The following CR1 variants were observed in gnomAD, a reference collection of about 807,000 sequenced individuals.
CR1 encodes the protein complement C3b/C4b receptor 1 (Knops blood group).
A neutral mutation model predicts 187.3 loss-of-function variants in CR1; 116 were observed. The ratio of observed to expected loss-of-function variants is 0.62; its 90% confidence interval spans 0.53 to 0.72. The LOEUF (loss-of-function observed/expected upper bound fraction) is 0.72. Ranked by LOEUF, CR1 falls within the 30% of genes least tolerant of loss-of-function variation. The probability of loss-of-function intolerance (pLI) is 0.00; values close to 1 mark genes in which losing one functional copy is unlikely to be tolerated. For missense variants in CR1, 1,731 were observed against 2,110.7 expected (o/e 0.82, Z 3.52); for synonymous variants, 576 against 747.1 (o/e 0.77, Z 3.73).
At position 207,522,749 on chromosome 1, in the gene CR1, A is replaced by T. The variant is rs1253057074; in HGVS notation, c.488-862A>T. Among the ~76,000 whole-genome samples the T allele has an allele frequency of 7.9e-5, 12 of 152,074 alleles. No homozygotes were observed. In the East Asian group the frequency reaches 2.3e-3, roughly 29 times the overall value. ...TATTAGTAGAAGCAGAGCCTGAAAA[A>T]TTTTTATTTTTAATTTTAATTCATT... On this transcript the variant is annotated intron_variant, in intron 4 of 46. Coordinates refer to ENST00000367049, the MANE Select transcript of CR1 (RefSeq NM_000651.6).
chr1:207,614,461 T>G lies in CR1; in HGVS notation c.6633T>G (p.Leu2211=). Residue 2211 remains leucine, a synonymous_variant, in exon 40 of 47, where the codon CTT becomes CTG. Coordinates refer to ENST00000367049, the MANE Select transcript of CR1 (RefSeq NM_000651.6). ...GTGTCTTGGCTGGAATGAAAGCCCT[T>G]TGGAATAGCAGTGTTCCAGTGTGTG... The part of the protein sequence containing the change: ...SHCVLAGMKA[L]WNSSVPVCEQ... The G allele has an allele frequency of 6.2e-7, 1 of 1,611,652 alleles. No homozygotes were observed. Among genetic ancestry groups the G allele is most frequent in the Non-Finnish European group, 8.5e-7 (1 of 1,178,370 alleles).
intron 1 of CR1, among the ~76,000 whole-genome samples, chr1:207,502,550 G>A (rs1659303878): frequency 6.6e-6 from 1 of 152,190 alleles, no homozygotes; most frequent in Non-Finnish European, 1.5e-5. Context: ...AAAAATGTGT[G>A]TCTTTGGGAA....
intron 35 of CR1, among the ~76,000 whole-genome samples, chr1:207,606,303 C>T (rs1253326437): frequency 2.0e-5 from 3 of 152,186 alleles, no homozygotes; most frequent in Admixed American, 6.5e-5. Flanking sequence ...CATGGCTATG[C>T]CCGGCTGTAA....
chr1:207,626,332 C>G (rs1434701432), intron 45 of CR1, among the ~76,000 whole-genome samples: 1 of 152,194 alleles, frequency 6.6e-6, no homozygotes, highest in Non-Finnish European at 1.5e-5. Flanking sequence ...GCAGAGGTCC[C>G]TTCTTTCGGA....
chr1:207,613,892 G>A (rs1662017024), intron 39 of CR1, among the ~76,000 whole-genome samples: 1 of 152,080 alleles, frequency 6.6e-6, no homozygotes, highest in South Asian at 2.1e-4. Flanking sequence ...ATGCTTCTGT[G>A]AGCCTCCTCT....
At chr1:207,624,639 A>G (rs529529904) in intron 45 of CR1, among the ~76,000 whole-genome samples, 2 of 152,298 alleles carry the variant, frequency 1.3e-5, no homozygotes, top group East Asian at 3.9e-4. Context: ...ATTTAAATTT[A>G]AATATCCATC....
In CR1 at chr1:207,609,677, A is replaced by G. The variant is rs1435892908; in HGVS notation, c.6284A>G (p.His2095Arg). 1 of 1,585,602 alleles carries G rather than the reference A, an allele frequency of 6.3e-7. No homozygotes were observed. Among genetic ancestry groups the G allele is most frequent in the East Asian group, 2.2e-5 (1 of 44,746 alleles). The change falls in exon 37 of 47, where the codon CAC (histidine) becomes CGC (arginine). Residue 2095 changes from histidine (H) to arginine (R), a missense_variant. Transcript: ENST00000367049. The part of the protein sequence containing the change: ...TNGRWGPKLP[H>R]CSRVCQPPPE... ...GGCAGATGGGGGCCCAAGCTGCCAC[A>G]CTGCTCCAGGGGTGAGTGTGACCCA...
At chr1:207,631,458 A>G (rs531318787) in intron 46 of CR1, among the ~76,000 whole-genome samples, 1 of 152,272 alleles carries the variant, frequency 6.6e-6, no homozygotes, top group Non-Finnish European at 1.5e-5. Flanking sequence ...AGCCAAAAGT[A>G]TTTACTATCT....
In CR1 at chr1:207,591,809, A is replaced by G. The variant is rs570399783; in HGVS notation, c.5810+3035A>G. ...ATACAAACTACCATCAGAGAATACT[A>G]TAAACACCTCTACGCAAATAAACTA... On this transcript the variant is annotated intron_variant, in intron 35 of 46. Coordinates refer to ENST00000367049, the MANE Select transcript of CR1 (RefSeq NM_000651.6). Among the ~76,000 whole-genome samples, 23 of 152,380 alleles carry G rather than the reference A, an allele frequency of 1.5e-4. No homozygotes were observed. In the South Asian group the frequency reaches 3.9e-3, roughly 26 times the overall value.
intron 35 of CR1, among the ~76,000 whole-genome samples, chr1:207,589,714 C>A (rs1661214922): frequency 6.6e-6 from 1 of 152,112 alleles, no homozygotes; most frequent in African/African-American, 2.4e-5. Flanking sequence ...AGCGAAGAAC[C>A]TTGAAAAACA....
At chr1:207,502,294 G>A (rs1213048973) in intron 1 of CR1, among the ~76,000 whole-genome samples, 1 of 152,136 alleles carries the variant, frequency 6.6e-6, no homozygotes, top group Middle Eastern at 3.2e-3. Context: ...TGATATGAAA[G>A]GAAAAGCAAA....
chr1:207,579,274 G>C (rs1212813821), intron 29 of CR1, among the ~76,000 whole-genome samples: 1 of 152,160 alleles, frequency 6.6e-6, no homozygotes. Flanking sequence ...CTGTGTAGGA[G>C]GTGTTATGGT....
intron 46 of CR1, among the ~76,000 whole-genome samples, chr1:207,634,747 C>T (rs1353685526): frequency 1.6e-4 from 24 of 152,184 alleles, no homozygotes; most frequent in Admixed American, 3.3e-4. Context: ...TCCACTACTG[C>T]AGCTCATTCT....
intron 35 of CR1, among the ~76,000 whole-genome samples, chr1:207,593,853 A>G (rs1238232026): frequency 1.3e-5 from 2 of 152,238 alleles, no homozygotes; most frequent in African/African-American, 2.4e-5. Flanking sequence ...CATGAAAAAA[A>G]GCTCATCATC....
chr1:207,584,484 T>C (rs1322526968), intron 32 of CR1, among the ~76,000 whole-genome samples, 165 bp from the exon 33 acceptor site: 4 of 152,216 alleles, frequency 2.6e-5, no homozygotes, highest in African/African-American at 9.7e-5. Context: ...TTCATTTAGC[T>C]CCATCTTAGC....
At chr1:207,626,897 G>C (rs1339538648) in intron 45 of CR1, among the ~76,000 whole-genome samples, 1 of 152,162 alleles carries the variant, frequency 6.6e-6, no homozygotes, top group African/African-American at 2.4e-5. Context: ...AATTAGCCTG[G>C]TGTAGTGGCA....
At chr1:207,582,036 CTTT>C in intron 32 of CR1, 33 bp downstream of exon 32, 1 of 1,516,898 alleles carries the variant, frequency 6.6e-7, no homozygotes, top group Non-Finnish European at 9.1e-7. Flanking sequence ...CAGTCTGGAT[CTTT>C]CTGTTTTTTT....
chr1:207,614,416 A>C lies in CR1; in HGVS notation c.6588A>C (p.Lys2196Asn). 3 of 1,610,358 alleles carry C rather than the reference A, an allele frequency of 1.9e-6. No homozygotes were observed. The highest frequency in any genetic ancestry group is 2.5e-6 in the Non-Finnish European group (3 of 1,177,518). Residue 2196 changes from lysine (K) to asparagine (N), a missense_variant, in exon 40 of 47, where the codon AAA (lysine) becomes AAC (asparagine). Transcript: ENST00000367049. ...SFVCDEGFRL[K>N]GRSASHCVLA... is the part of the protein sequence containing the mutation. Reference sequence around the variant, plus strand: ...TTTTTTTCTTTAGGTTCCGATTAAAAGGCAGGTCTGCTAGTCATTGTGTCT... The same window carrying C: ...TTTTTTTCTTTAGGTTCCGATTAAACGGCAGGTCTGCTAGTCATTGTGTCT...
At chr1:207,607,560 A>G (rs1157508873) in intron 36 of CR1, among the ~76,000 whole-genome samples, 1 of 152,196 alleles carries the variant, frequency 6.6e-6, no homozygotes, top group Non-Finnish European at 1.5e-5. Flanking sequence ...TCCCATTATA[A>G]TAGTAAATAT....
Sources: gnomAD v4.1 joint callset for allele counts (sites outside exome capture counted in the v4.1 genomes callset) on GRCh38, gnomAD v4.1.1 for gene constraint, MANE v1.5 for transcripts, NCBI Gene and HGNC (gene_info 2026-07-23, HGNC 2026-07-21) for gene names.